OR8B3: variants seen among roughly 807,000 people sequenced by gnomAD.
OR8B3 encodes olfactory receptor 8B3.
For missense variants in OR8B3, 278 were observed against 377.6 expected (o/e 0.74, Z 2.19); for synonymous variants, 102 against 135.4 (o/e 0.75, Z 1.71).
In OR8B3 at chr11:124,396,228, T is replaced by A; in HGVS notation, c.*182A>T. 1.7e-6 allele frequency: 1 copy of A among 584,442 alleles called. No individual in the cohort carries two copies. Among genetic ancestry groups the A allele is most frequent in the Non-Finnish European group, 2.9e-6 (1 of 339,298 alleles). 36.2% of individuals were successfully genotyped at this position (584,442 alleles called of 1,614,324 possible). On this transcript the variant is annotated 3_prime_UTR_variant, in exon 2 of 2. Transcript: ENST00000641139. ...GATGCCATGACCTATTTAGTAAAATTGTGAGAAGTGCCAGAGATGCAAAAC... is the reference window on the plus strand; with the variant it reads ...GATGCCATGACCTATTTAGTAAAATAGTGAGAAGTGCCAGAGATGCAAAAC...
rs146593501 is a variant in OR8B3, at chr11:124,396,552, A to G, written c.800T>C (p.Met267Thr). Residue 267 changes from methionine (M) to threonine (T), a missense_variant, in exon 2 of 2, where the codon ATG becomes ACG. Coordinates refer to ENST00000641139, the MANE Select transcript of OR8B3 (RefSeq NM_001005467.2). ...AACAGAAGAAACTTTTCCCTGCTCC[A>G]TAGATCCAGAAGAATATTTAATATA... ...FMYIKYSSGS[M>T]EQGKVSSVFY... 96 of 1,613,860 alleles carry G rather than the reference A, an allele frequency of 5.9e-5. 1 individual carries two copies. Among genetic ancestry groups the G allele is most frequent in the Non-Finnish European group, 7.3e-5 (86 of 1,179,874 alleles).
chr11:124,399,834 T>C (rs1457485731), upstream of OR8B3, among the ~76,000 whole-genome samples: 1 of 152,076 alleles, frequency 6.6e-6, no homozygotes, highest in African/African-American at 2.4e-5. Context: ...TGCAATTCTA[T>C]CCCATGTACA....
chr11:124,401,676 C>T (rs1860997832), upstream of OR8B3, among the ~76,000 whole-genome samples: 2 of 152,168 alleles, frequency 1.3e-5, no homozygotes, highest in Admixed American at 6.5e-5. Context: ...CACACTGCAA[C>T]CAGCTTAGAT....
rs192635400 is a variant in OR8B3, at chr11:124,397,964, G to A, written c.-17-596C>T. On this transcript the variant is annotated intron_variant, in intron 1 of 1. Coordinates refer to ENST00000641139, the MANE Select transcript of OR8B3 (RefSeq NM_001005467.2). The stretch of plus-strand genomic sequence containing the variant: ...CCTGCCTCAGCCTCCCAAAGTGCTG[G>A]AATTACAGGTGTGAACCACCGAGCC... 2.8e-3 allele frequency among the ~76,000 whole-genome samples: 421 copies of A among 152,084 alleles called. 2 individuals carry two copies. Among genetic ancestry groups the A allele is most frequent in the Admixed American group, 7.3e-3 (111 of 15,280 alleles).
At chr11:124,402,331 A>G (rs193012192), upstream of OR8B3, among the ~76,000 whole-genome samples, 281 of 152,270 alleles carry the variant, frequency 1.8e-3, 2 homozygotes, top group African/African-American at 6.4e-3. Context: ...TCAAATCTCG[A>G]ATTATGTTAG....
the OR8B3 span, among the ~76,000 whole-genome samples, chr11:124,408,746 G>C: frequency 6.6e-6 from 1 of 152,114 alleles, no homozygotes; most frequent in African/African-American, 2.4e-5. Context: ...GCTGAAGCAG[G>C]AAAGAGGCAT....
chr11:124,401,001 C>T (rs1303774927), upstream of OR8B3, among the ~76,000 whole-genome samples: 1 of 152,008 alleles, frequency 6.6e-6, no homozygotes, highest in Non-Finnish European at 1.5e-5. Context: ...TAGCTATTTG[C>T]AATGCTTTTT....
the OR8B3 span, among the ~76,000 whole-genome samples, chr11:124,408,217 G>A: frequency 6.6e-6 from 1 of 152,046 alleles, no homozygotes; most frequent in East Asian, 1.9e-4. Flanking sequence ...ATTATTTTAG[G>A]TGAACAATGC....
At chr11:124,406,544 GT>G in the OR8B3 span, among the ~76,000 whole-genome samples, 2 of 151,902 alleles carry the variant, frequency 1.3e-5, no homozygotes, top group African/African-American at 2.4e-5. Flanking sequence ...CTCCTTCTCC[GT>G]TCATTATTGT....
At chr11:124,403,107 G>C (rs566235240), upstream of OR8B3, among the ~76,000 whole-genome samples, 5 of 152,320 alleles carry the variant, frequency 3.3e-5, no homozygotes, top group South Asian at 8.3e-4. Context: ...TTAACCCTGA[G>C]TGGACACAGC....
the OR8B3 span, among the ~76,000 whole-genome samples, chr11:124,408,692 A>G: frequency 6.6e-6 from 1 of 152,156 alleles, no homozygotes; most frequent in African/African-American, 2.4e-5. Flanking sequence ...ACTCGACTCC[A>G]TCTACTATTT....
upstream of OR8B3, among the ~76,000 whole-genome samples, chr11:124,399,308 AAAT>A (rs1288403600): frequency 1.3e-5 from 2 of 152,230 alleles, no homozygotes; most frequent in African/African-American, 4.8e-5. Flanking sequence ...GAGTCCTTTT[AAAT>A]AATCTTTCAA....
rs1332722048 is a variant in OR8B3 at position 124,396,767 on chromosome 11, G to A, written c.585C>T (p.Asn195=). ...CCACAACAATGAGAACAACCACCTC[G>A]TTGACATAGGTGCTGGTGCAGGAAA... The part of the protein sequence containing the change: ...LQLSCTSTYV[N]EVVVLIVVGI... Residue 195 remains asparagine, a synonymous_variant, in exon 2 of 2, where the codon AAC becomes AAT. Coordinates refer to ENST00000641139, the MANE Select transcript of OR8B3 (RefSeq NM_001005467.2). 5 of 1,613,690 alleles carry A rather than the reference G, an allele frequency of 3.1e-6. No homozygotes were observed. The highest frequency in any genetic ancestry group is 2.2e-5 in the South Asian group (2 of 91,052).
intron 1 of OR8B3, among the ~76,000 whole-genome samples, chr11:124,398,327 A>G (rs995045021): frequency 2.0e-5 from 3 of 152,236 alleles, no homozygotes; most frequent in African/African-American, 7.2e-5. Context: ...GTAGGAAGGC[A>G]TAAGAGAAAC....
At chr11:124,405,476 A>G in the OR8B3 span, among the ~76,000 whole-genome samples, 1 of 152,176 alleles carries the variant, frequency 6.6e-6, no homozygotes, top group Non-Finnish European at 1.5e-5. Context: ...TGATTTAGAC[A>G]TTCGTCGTTG....
At chr11:124,405,924 G>C in the OR8B3 span, among the ~76,000 whole-genome samples, 1 of 152,220 alleles carries the variant, frequency 6.6e-6, no homozygotes, top group Middle Eastern at 3.4e-3. Context: ...TTCATGTCGG[G>C]AAATCCAATC....
rs748347421 is a variant in OR8B3, at chr11:124,397,097, A to C, written c.255T>G (p.Phe85Leu). 4 of 1,613,824 alleles carry C rather than the reference A, an allele frequency of 2.5e-6. No individual in the cohort carries two copies. Among genetic ancestry groups the C allele is most frequent in the Non-Finnish European group, 3.4e-6 (4 of 1,179,852 alleles). ...AGGAGATAATATTCTTTTTTGATAC[A>C]AAGTTCATTAGCATTTTGGGAGTGA... is the stretch of plus-strand genomic sequence containing the variant. Reference protein sequence around the residue: ...SVFTPKMLMNFVSKKNIISYV... With the variant: ...SVFTPKMLMNLVSKKNIISYV... Residue 85 changes from phenylalanine to leucine, a missense_variant, in exon 2 of 2, where the codon TTT becomes TTG. By Grantham distance (22) the Phe-to-Leu change is conservative (BLOSUM62 0). Transcript: ENST00000641139.
the OR8B3 span, among the ~76,000 whole-genome samples, chr11:124,406,975 C>G: frequency 6.6e-6 from 1 of 151,992 alleles, no homozygotes; most frequent in Non-Finnish European, 1.5e-5. Flanking sequence ...ATTTCTTTTT[C>G]ATTTTCCATG....
At chr11:124,401,760 G>C (rs1860998801), upstream of OR8B3, among the ~76,000 whole-genome samples, 1 of 152,210 alleles carries the variant, frequency 6.6e-6, no homozygotes, top group South Asian at 2.1e-4. Flanking sequence ...TACTTGGACA[G>C]AAGTATCTGA....
Sources: allele counts gnomAD v4.1 joint callset (sites outside exome capture counted in the v4.1 genomes callset), GRCh38; gene constraint gnomAD v4.1.1; transcripts MANE v1.5; gene names NCBI Gene and HGNC (gene_info 2026-07-23, HGNC 2026-07-21).